Variants in PTGER3 observed in about 807,000 individuals in gnomAD.
The protein encoded by PTGER3 is prostaglandin E receptor 3, also known as prostaglandin E2 receptor EP3 subtype.
In PTGER3, 22 loss-of-function variants were observed where a neutral mutation model predicts 34.7. The ratio of observed to expected loss-of-function variants is 0.63; its 90% CI spans 0.45 to 0.91. The LOEUF is 0.91. PTGER3 is among the 40% of genes least tolerant of loss of function. The pLI is 0.00. For synonymous variants in PTGER3, 241 were observed against 230.1 expected, an observed-to-expected ratio of 1.05 and a Z score of -0.43; for missense variants, 468 against 519.4, an observed-to-expected ratio of 0.90 and a Z score of 0.96.
At chr1:70,961,402 C>T (rs1651921957) in intron 2 of PTGER3, among the ~76,000 whole-genome samples, 1 of 152,122 alleles carries the variant, frequency 6.6e-6, no homozygotes, top group African/African-American at 2.4e-5. Flanking sequence ...GGTTCTGTAC[C>T]TTGAATTTCC....
chr1:71,046,596 T>C, intron 1 of PTGER3, 85 bp downstream of exon 1: 1 of 1,455,778 alleles, frequency 6.9e-7, no homozygotes, highest in Non-Finnish European at 9.1e-7. Flanking sequence ...AACACACCCC[T>C]GCGGGTGCTG....
At chr1:71,024,176 G>A (rs1658676814) in intron 1 of PTGER3, among the ~76,000 whole-genome samples, 1 of 151,970 alleles carries the variant, frequency 6.6e-6, no homozygotes, top group African/African-American at 2.4e-5. Flanking sequence ...TGAACTTCTT[G>A]CAGGTCTTTA....
At chr1:71,033,171 C>A (rs1274290085) in intron 1 of PTGER3, among the ~76,000 whole-genome samples, 1 of 152,166 alleles carries the variant, frequency 6.6e-6, no homozygotes, top group Admixed American at 6.6e-5. Flanking sequence ...TAGCTGGCCA[C>A]CTCAAAACCA....
At chr1:71,036,853 A>C (rs1203297236) in intron 1 of PTGER3, among the ~76,000 whole-genome samples, 1 of 151,924 alleles carries the variant, frequency 6.6e-6, no homozygotes, top group Non-Finnish European at 1.5e-5. Context: ...AAAAAAAAGA[A>C]AGGGAAAGAC....
chr1:71,022,205 G>GTAT (rs1658481674), intron 1 of PTGER3, among the ~76,000 whole-genome samples: 1 of 151,816 alleles, frequency 6.6e-6, no homozygotes, highest in Non-Finnish European at 1.5e-5. Flanking sequence ...ATCTATCCAT[G>GTAT]TATTGGTAAA....
intron 4 of PTGER3, chr1:70,947,343 G>A (rs1172332699): frequency 6.6e-6 from 1 of 152,274 alleles, no homozygotes; most frequent in Non-Finnish European, 1.5e-5. Flanking sequence ...TAGTGAATAA[G>A]CCTCACAAGA....
intron 4 of PTGER3, chr1:70,883,850 G>A: frequency 4.7e-6 from 1 of 212,284 alleles, no homozygotes; most frequent in South Asian, 5.7e-5. Flanking sequence ...GTTACTTGAG[G>A]TCAGGTGTTC....
chr1:71,024,564 G>A (rs967110895), intron 1 of PTGER3, among the ~76,000 whole-genome samples: 9 of 151,670 alleles, frequency 5.9e-5, no homozygotes, highest in Non-Finnish European at 8.8e-5. Context: ...CAAGGGTATA[G>A]TGCATCCTGC....
chr1:70,981,830 T>C (rs975405001), intron 2 of PTGER3, among the ~76,000 whole-genome samples: 7 of 152,068 alleles, frequency 4.6e-5, no homozygotes, highest in Admixed American at 4.6e-4. Flanking sequence ...GATGATGAGT[T>C]TGGGTATCCA....
At chr1:70,866,376 G>A (rs1646042449) in intron 4 of PTGER3, among the ~76,000 whole-genome samples, 2 of 152,122 alleles carry the variant, frequency 1.3e-5, no homozygotes, top group South Asian at 4.1e-4. Flanking sequence ...ACCTTCTGAA[G>A]TCCTAATCTT....
In PTGER3 at chr1:71,047,465, G is replaced by T. The variant is rs755238098; in HGVS notation, c.113C>A (p.Thr38Lys). The T allele has an allele frequency of 1.2e-6, 2 of 1,609,664 alleles. No individual in the cohort carries two copies. The highest frequency in any genetic ancestry group is 1.7e-5 in the Admixed American group (1 of 59,614). ...ERSAEARGNL[T>K]RPPGSGEDCG... ...ATCCTCGCCAGACCCTGGAGGGCGCGTGAGGTTGCCCCGCGCCTCGGCGGA... is the reference window on the plus strand; with the variant it reads ...ATCCTCGCCAGACCCTGGAGGGCGCTTGAGGTTGCCCCGCGCCTCGGCGGA... The change falls in exon 1 of 4, where the codon ACG becomes AAG. Residue 38 changes from threonine (T) to lysine (K), a missense_variant. Thr to Lys is a moderately conservative substitution (Grantham distance 78). Transcript: ENST00000306666.
chr1:70,958,531 G>T (rs1418707652), intron 2 of PTGER3, among the ~76,000 whole-genome samples: 1 of 151,852 alleles, frequency 6.6e-6, no homozygotes, highest in Non-Finnish European at 1.5e-5. Flanking sequence ...TGATTTTTTG[G>T]GTTTTGGCCA....
At chr1:71,040,829 A>G (rs1034230532) in intron 1 of PTGER3, among the ~76,000 whole-genome samples, 1 of 152,216 alleles carries the variant, frequency 6.6e-6, no homozygotes, top group Admixed American at 6.5e-5. Flanking sequence ...AGGGCACCCA[A>G]TCACGGCCTA....
intron 4 of PTGER3, among the ~76,000 whole-genome samples, chr1:70,917,164 C>A (rs1350042246): frequency 6.6e-6 from 1 of 151,704 alleles, no homozygotes. Context: ...ACACATTGAC[C>A]AATCTTTCCT....
intron 1 of PTGER3, among the ~76,000 whole-genome samples, chr1:71,046,246 A>C (rs1174229177): frequency 7.4e-6 from 1 of 134,704 alleles, no homozygotes; most frequent in East Asian, 2.3e-4. Flanking sequence ...AGGCTGCGCC[A>C]CTGTACTCCA....
intron 4 of PTGER3, among the ~76,000 whole-genome samples, chr1:70,931,264 G>A (rs1052910200): frequency 2.0e-5 from 3 of 152,200 alleles, no homozygotes; most frequent in African/African-American, 7.2e-5. Context: ...TGGCTTTGCA[G>A]GGTACAGCCC....
At chr1:70,921,444 A>G (rs1647514034) in intron 4 of PTGER3, among the ~76,000 whole-genome samples, 1 of 152,126 alleles carries the variant, frequency 6.6e-6, no homozygotes. Flanking sequence ...TCTTCTCTGT[A>G]AAGTTTTAAT....
chr1:70,976,375 A>G (rs866239620), intron 2 of PTGER3, among the ~76,000 whole-genome samples: 2 of 152,130 alleles, frequency 1.3e-5, no homozygotes, highest in Non-Finnish European at 2.9e-5. Flanking sequence ...AGATTCATCA[A>G]TTGCAATAAA....
intron 1 of PTGER3, among the ~76,000 whole-genome samples, chr1:71,039,667 A>AAAAG (rs1660134893): frequency 6.6e-6 from 1 of 151,228 alleles, no homozygotes; most frequent in African/African-American, 2.4e-5. Flanking sequence ...AAAAAAAAAA[A>AAAAG]AAAGAAAAAA....
Sources: gnomAD v4.1 joint callset for allele counts (sites outside exome capture counted in the v4.1 genomes callset) on GRCh38, gnomAD v4.1.1 for gene constraint, MANE v1.5 for transcripts, NCBI Gene and HGNC (gene_info 2026-07-23, HGNC 2026-07-21) for gene names.